Variants in CFAP206 observed in about 807,000 individuals in gnomAD.
CFAP206 encodes the protein cilia and flagella associated protein 206.
A neutral mutation model predicts 65.4 loss-of-function variants in CFAP206; 53 were observed. The ratio of observed to expected loss-of-function variants is 0.81; its 90% CI spans 0.65 to 1.02. CFAP206 has a LOEUF of 1.02. Among genes scored for constraint, CFAP206 ranks in the 50% least tolerant of loss-of-function variants. The pLI is 0.00. For synonymous variants in CFAP206, 250 were observed against 254.4 expected (o/e 0.98, Z 0.17); for missense variants, 663 against 753.2 (o/e 0.88, Z 1.40).
intron 11 of CFAP206, among the ~76,000 whole-genome samples, chr6:87,458,471 G>A (rs1206246553): frequency 1.3e-5 from 2 of 151,948 alleles, no homozygotes; most frequent in Non-Finnish European, 2.9e-5. Context: ...ATACATAATA[G>A]AGTACTATTC....
intron 11 of CFAP206, chr6:87,436,057 T>G (rs1245847665): frequency 1.3e-5 from 2 of 150,818 alleles, no homozygotes; most frequent in African/African-American, 4.9e-5. Context: ...CATTTTGAAA[T>G]ACATGGTTTA....
chr6:87,415,933 T>G, intron 5 of CFAP206, 59 bp downstream of exon 5: 2 of 1,204,614 alleles, frequency 1.7e-6, no homozygotes, highest in Non-Finnish European at 2.2e-6. Context: ...TTGTATTTTA[T>G]AAAACATGTT....
At chr6:87,440,756 C>T (rs1394454620) in intron 11 of CFAP206, among the ~76,000 whole-genome samples, 3 of 151,936 alleles carry the variant, frequency 2.0e-5, no homozygotes, top group Non-Finnish European at 2.9e-5. Context: ...ATGTAATGTC[C>T]CCAGTGGTAA....
At chr6:87,445,150 A>G (rs1055697509) in intron 11 of CFAP206, 3 of 317,868 alleles carry the variant, frequency 9.4e-6, no homozygotes, top group Non-Finnish European at 1.8e-5. Flanking sequence ...ATCATCTGTT[A>G]TAGCTGCATT....
intron 10 of CFAP206, among the ~76,000 whole-genome samples, chr6:87,434,134 G>T (rs1403308415): frequency 6.6e-6 from 1 of 152,088 alleles, no homozygotes; most frequent in Admixed American, 6.5e-5. Flanking sequence ...AGGAACAGTG[G>T]CTCATGCCTG....
At chr6:87,457,038 T>G (rs1225981444) in intron 11 of CFAP206, among the ~76,000 whole-genome samples, 2 of 150,964 alleles carry the variant, frequency 1.3e-5, no homozygotes, top group Non-Finnish European at 2.9e-5. Flanking sequence ...TTGTCCCAGC[T>G]ACTCAGGAGG....
rs2127946023 is a variant in CFAP206, at chr6:87,408,542, A to ATCCGGAGCGCGCACACAGT, written c.-6+471_-6+472insTTCCGGAGCGCGCACACAG. ...ACACAGATCCGGAGCGCGCACACAGATCCGGAGCGCGCACACAGATCCGGA... is the reference window on the plus strand; with the variant it reads ...ACACAGATCCGGAGCGCGCACACAGATCCGGAGCGCGCACACAGTTCCGGAGCGCGCACACAGATCCGGA... On this transcript the variant is annotated intron_variant, in intron 1 of 12. Transcript: ENST00000369562. 6 of 71,788 alleles carry ATCCGGAGCGCGCACACAGT rather than the reference A, an allele frequency of 8.4e-5. 2 individuals carry two copies. In the South Asian group the frequency reaches 2.1e-3, roughly 25 times the overall value. 4.4% of individuals were successfully genotyped at this position (71,788 alleles called of 1,614,324 possible).
intron 7 of CFAP206, among the ~76,000 whole-genome samples, chr6:87,422,438 G>A (rs576028115): frequency 2.2e-4 from 25 of 111,538 alleles, no homozygotes; most frequent in South Asian, 2.0e-3. Flanking sequence ...CAACGAGAGC[G>A]AAACTCCATC....
chr6:87,442,534 A>G (rs1768376324), intron 11 of CFAP206, among the ~76,000 whole-genome samples: 1 of 152,162 alleles, frequency 6.6e-6, no homozygotes, highest in African/African-American at 2.4e-5. Flanking sequence ...TATCAAATAG[A>G]GGTAGCGAAA....
Position 87,412,512 on chromosome 6 carries a change from A to C in CFAP206, c.193-1298A>C, listed in dbSNP as rs77385039. On this transcript the variant is annotated intron_variant, in intron 3 of 12. Coordinates refer to ENST00000369562, the MANE Select transcript of CFAP206 (RefSeq NM_001031743.3). ...GGTTGATATTCAATATAAAGAGGCA[A>C]GGCAGAGAAGGGGAATGAGCCATCT... is the stretch of plus-strand genomic sequence containing the variant. 5.0e-3 allele frequency among the ~76,000 whole-genome samples: 769 copies of C among 152,314 alleles called. 2 individuals carry two copies. The highest frequency in any genetic ancestry group is 0.018 in the African/African-American group (737 of 41,560).
At chr6:87,463,564 T>C (rs1388293844) in intron 12 of CFAP206, among the ~76,000 whole-genome samples, 1 of 152,202 alleles carries the variant, frequency 6.6e-6, no homozygotes, top group Non-Finnish European at 1.5e-5. Context: ...TGTAGAATAC[T>C]GTAAAATACA....
intron 10 of CFAP206, among the ~76,000 whole-genome samples, chr6:87,434,015 G>T (rs1768207473): frequency 6.6e-6 from 1 of 151,792 alleles, no homozygotes; most frequent in Admixed American, 6.6e-5. Context: ...CAGGAGAACT[G>T]CTTGAATCCA....
intron 1 of CFAP206, among the ~76,000 whole-genome samples, chr6:87,409,536 T>TTTA (rs758970954): frequency 8.8e-5 from 13 of 147,696 alleles, no homozygotes; most frequent in South Asian, 2.1e-4. Flanking sequence ...TTTTTTTTTT[T>TTTA]AATTAAGAAT....
At chr6:87,446,388 T>C (rs552691101) in intron 11 of CFAP206, among the ~76,000 whole-genome samples, 1 of 152,342 alleles carries the variant, frequency 6.6e-6, no homozygotes, top group East Asian at 1.9e-4. Flanking sequence ...AATTTTTGTA[T>C]AAGGTGTAAG....
intron 11 of CFAP206, among the ~76,000 whole-genome samples, chr6:87,446,638 C>A (rs768553026): frequency 2.6e-5 from 4 of 151,998 alleles, no homozygotes; most frequent in Non-Finnish European, 5.9e-5. Flanking sequence ...TGATGCCTTC[C>A]GCTCTGTTCT....
rs377044883 is a variant in CFAP206 at position 87,459,390 on chromosome 6, G to A, written c.1495-1632G>A. 2.0e-5 allele frequency among the ~76,000 whole-genome samples: 3 copies of A among 152,028 alleles called. No individual in the cohort carries two copies. In the South Asian group the frequency reaches 6.2e-4, roughly 32 times the overall value. On this transcript the variant is annotated intron_variant, in intron 11 of 12. Transcript: ENST00000369562. ...CAGAAAAATTGTGAGTTATATACTG[G>A]TTTTAAAATACTTGTTCTATATGCT... is the stretch of plus-strand genomic sequence containing the variant.
chr6:87,435,306 T>C (rs756589155), intron 11 of CFAP206: 1 of 302,872 alleles, frequency 3.3e-6, no homozygotes, highest in Non-Finnish European at 6.2e-6. Flanking sequence ...TTCATTGACT[T>C]ATAAATAATT....
intron 7 of CFAP206, among the ~76,000 whole-genome samples, chr6:87,422,170 C>A (rs978367543): frequency 6.6e-6 from 1 of 152,030 alleles, no homozygotes; most frequent in Non-Finnish European, 1.5e-5. Flanking sequence ...CTAGATGGGC[C>A]GGGCGTGGTG....
At chr6:87,428,882 C>T in intron 9 of CFAP206, 58 bp downstream of exon 9, 2 of 1,449,712 alleles carry the variant, frequency 1.4e-6, no homozygotes, top group Non-Finnish European at 9.7e-7. Flanking sequence ...AGAATAAAGT[C>T]ACTCTTTTGT....
Sources: gnomAD v4.1 joint callset for allele counts (sites outside exome capture counted in the v4.1 genomes callset) on GRCh38, gnomAD v4.1.1 for gene constraint, MANE v1.5 for transcripts, NCBI Gene and HGNC (gene_info 2026-07-23, HGNC 2026-07-21) for gene names.